WWOX: variants seen among roughly 807,000 people sequenced by gnomAD.
The protein encoded by WWOX is WW domain-containing oxidoreductase.
In WWOX, 69 loss-of-function variants were observed where a neutral mutation model predicts 46.2. That is an observed-to-expected ratio of 1.49 (90% confidence interval 1.23 to 1.82). The LOEUF is 1.82. WWOX is among the 40% of genes most tolerant of loss of function. WWOX has a pLI of 0.00. For synonymous variants in WWOX, 359 were observed against 202.6 expected, an observed-to-expected ratio of 1.77 and a Z score of -6.56; for missense variants, 919 against 542.6, an observed-to-expected ratio of 1.69 and a Z score of -6.89.
intron 8 of WWOX, among the ~76,000 whole-genome samples, chr16:79,161,069 T>G (rs915194822): frequency 2.0e-5 from 3 of 152,224 alleles, no homozygotes; most frequent in African/African-American, 4.8e-5. Context: ...AGATCACTTT[T>G]CCGCACAAAC....
In WWOX at chr16:78,389,625, A is replaced by C. The variant is rs140172780; in HGVS notation, c.605+2677A>C. On this transcript the variant is annotated intron_variant, in intron 6 of 8. Transcript: ENST00000566780. The stretch of plus-strand genomic sequence containing the variant: ...TATTAATATCTCTACTATACAGATA[A>C]GGAAAGTGAGGCTAGAGAGGATATA... Among the ~76,000 whole-genome samples, 408 of 152,324 alleles carry C rather than the reference A, an allele frequency of 2.7e-3. 1 individual carries two copies. Among genetic ancestry groups the C allele is most frequent in the Middle Eastern group, 0.014 (4 of 294 alleles).
intron 5 of WWOX, among the ~76,000 whole-genome samples, chr16:78,180,116 T>G (rs537259932): frequency 2.1e-4 from 32 of 152,358 alleles, no homozygotes; most frequent in African/African-American, 5.5e-4. Context: ...CCTTGTAGCT[T>G]GTTGAAGAAA....
At chr16:78,547,144 A>AAAAC (rs2044056474) in intron 8 of WWOX, among the ~76,000 whole-genome samples, 1 of 146,018 alleles carries the variant, frequency 6.8e-6, no homozygotes, top group South Asian at 2.2e-4. Context: ...AAAAAAAAAA[A>AAAAC]AAAAAAAAAA....
chr16:78,197,642 A>G (rs2036096630), intron 5 of WWOX, among the ~76,000 whole-genome samples: 1 of 152,130 alleles, frequency 6.6e-6, no homozygotes, highest in Non-Finnish European at 1.5e-5. Context: ...GGAGAGGGGG[A>G]GAAGGGAAAT....
intron 5 of WWOX, among the ~76,000 whole-genome samples, chr16:78,315,439 A>G (rs2080339190): frequency 6.6e-6 from 1 of 152,160 alleles, no homozygotes; most frequent in Admixed American, 6.5e-5. Context: ...ACTTGAGGTT[A>G]GGAGTTCGAG....
intron 5 of WWOX, among the ~76,000 whole-genome samples, chr16:78,280,065 T>C (rs2079648790): frequency 6.6e-6 from 1 of 152,210 alleles, no homozygotes; most frequent in Non-Finnish European, 1.5e-5. Flanking sequence ...GTCAGCTGAG[T>C]CTAGAGTGTT....
At chr16:79,196,778 G>T (rs771577477) in intron 8 of WWOX, among the ~76,000 whole-genome samples, 2 of 152,054 alleles carry the variant, frequency 1.3e-5, no homozygotes, top group Non-Finnish European at 2.9e-5. Context: ...ACTTGTTGTA[G>T]AGATGTTCTA....
chr16:79,121,997 A>C (rs553730899), intron 8 of WWOX, among the ~76,000 whole-genome samples: 2 of 152,264 alleles, frequency 1.3e-5, no homozygotes, highest in South Asian at 4.1e-4. Flanking sequence ...TCCTCTAGGT[A>C]CAATAAAATA....
At chr16:78,665,555 T>A (rs77872293) in intron 8 of WWOX, among the ~76,000 whole-genome samples, 1,571 of 152,224 alleles carry the variant, frequency 0.01, 15 homozygotes, top group South Asian at 0.037. Flanking sequence ...TGCTGCATCA[T>A]AATCTCCTTT....
intron 8 of WWOX, among the ~76,000 whole-genome samples, chr16:78,618,204 T>G (rs1486225828): frequency 6.6e-6 from 1 of 152,198 alleles, no homozygotes; most frequent in African/African-American, 2.4e-5. Context: ...TCTAAAGTCC[T>G]TGCTCTCCAA....
intron 8 of WWOX, among the ~76,000 whole-genome samples, chr16:78,606,050 A>G (rs887084645): frequency 2.6e-5 from 4 of 152,250 alleles, no homozygotes; most frequent in African/African-American, 9.6e-5. Flanking sequence ...ACATTCTGCT[A>G]CGAGGGATGC....
At chr16:78,822,640 G>A (rs1426140247) in intron 8 of WWOX, among the ~76,000 whole-genome samples, 2 of 152,166 alleles carry the variant, frequency 1.3e-5, no homozygotes, top group Non-Finnish European at 2.9e-5. Flanking sequence ...TTCCTAATGG[G>A]TGGAATATTA....
chr16:78,793,056 T>C (rs886776917), intron 8 of WWOX, among the ~76,000 whole-genome samples: 2 of 152,204 alleles, frequency 1.3e-5, no homozygotes, highest in African/African-American at 4.8e-5. Flanking sequence ...TTTCATCTTA[T>C]CTATATATCT....
At chr16:78,672,207 T>C (rs899106334) in intron 8 of WWOX, among the ~76,000 whole-genome samples, 3 of 152,098 alleles carry the variant, frequency 2.0e-5, no homozygotes, top group Non-Finnish European at 4.4e-5. Flanking sequence ...CCAAAGGAAA[T>C]TTTCAGGGAG....
At chr16:78,781,875 C>T (rs763000525) in intron 8 of WWOX, among the ~76,000 whole-genome samples, 1 of 152,210 alleles carries the variant, frequency 6.6e-6, no homozygotes. Context: ...GCATTGAACA[C>T]TTATTTGCTC....
intron 8 of WWOX, among the ~76,000 whole-genome samples, chr16:79,015,804 T>A (rs189829299): frequency 7.3e-4 from 111 of 152,312 alleles, no homozygotes; most frequent in Non-Finnish European, 1.2e-3. Flanking sequence ...CAAGGTGGAG[T>A]GCAGCGGTGT....
intron 8 of WWOX, among the ~76,000 whole-genome samples, chr16:78,814,930 A>T (rs1264696031): frequency 6.6e-6 from 1 of 152,164 alleles, no homozygotes; most frequent in Non-Finnish European, 1.5e-5. Flanking sequence ...GAAGCTGACC[A>T]TAGTTGGCTC....
chr16:78,735,920 T>A (rs2142399902), intron 8 of WWOX, among the ~76,000 whole-genome samples: 1 of 151,996 alleles, frequency 6.6e-6, no homozygotes, highest in African/African-American at 2.4e-5. Context: ...GTGTTCTCTT[T>A]CTCTCACCTC....
chr16:78,256,898 C>G (rs1280422608), intron 5 of WWOX, among the ~76,000 whole-genome samples: 1 of 152,018 alleles, frequency 6.6e-6, no homozygotes, highest in South Asian at 2.1e-4. Context: ...AGTGTACAGA[C>G]TGAACAACCA....
Sources: gnomAD v4.1 joint callset for allele counts (sites outside exome capture counted in the v4.1 genomes callset) on GRCh38, gnomAD v4.1.1 for gene constraint, MANE v1.5 for transcripts, NCBI Gene and HGNC (gene_info 2026-07-23, HGNC 2026-07-21) for gene names.